The following USP47 variants were observed in gnomAD, a reference collection of about 807,000 sequenced individuals.
USP47 encodes ubiquitin carboxyl-terminal hydrolase 47.
Under a neutral mutation model 165.1 loss-of-function variants are expected in USP47, and 35 were observed. The observed-to-expected ratio is 0.21, with a 90% CI of 0.16 to 0.28. The LOEUF (loss-of-function observed/expected upper bound fraction) is 0.28, where lower values mean the gene tolerates loss of function less well. Ranked by LOEUF, USP47 falls within the 10% of genes least tolerant of loss-of-function variation. The pLI is 1.00. For missense variants in USP47, 1,277 were observed against 1,607.4 expected (o/e 0.79, Z 3.52); for synonymous variants, 531 against 544.5 (o/e 0.98, Z 0.35).
chr11:11,907,925 G>A (rs556648734), intron 8 of USP47, among the ~76,000 whole-genome samples: 6 of 151,980 alleles, frequency 3.9e-5, no homozygotes, highest in East Asian at 1.9e-4. Context: ...ATGAAACCTC[G>A]TCTCTACTAA....
chr11:11,903,123 T>C, intron 6 of USP47, 140 bp from the exon 7 acceptor site: 1 of 819,400 alleles, frequency 1.2e-6, no homozygotes. Context: ...ATGACTGTCA[T>C]GTATATTCTT....
intron 1 of USP47, among the ~76,000 whole-genome samples, chr11:11,866,053 T>A (rs1849660873): frequency 6.6e-6 from 1 of 152,222 alleles, no homozygotes. Flanking sequence ...TTGCTGCCTG[T>A]GTCTTGGTAT....
intron 20 of USP47, among the ~76,000 whole-genome samples, 187 bp from the exon 21 acceptor site, chr11:11,947,758 A>G (rs1043675415): frequency 1.3e-5 from 2 of 152,230 alleles, no homozygotes; most frequent in Non-Finnish European, 1.5e-5. Context: ...GCTGTCAGAT[A>G]AAACCTATCA....
At chr11:11,882,267 G>A (rs1440229954) in intron 2 of USP47, among the ~76,000 whole-genome samples, 2 of 151,904 alleles carry the variant, frequency 1.3e-5, no homozygotes, top group Non-Finnish European at 2.9e-5. Context: ...ATATTTTTCT[G>A]TCTTAAGTTT....
chr11:11,880,295 T>C lies in USP47; in HGVS notation c.158T>C (p.Leu53Pro). 1 of 1,417,390 alleles carries C rather than the reference T, an allele frequency of 7.1e-7. No homozygotes were observed. The highest frequency in any genetic ancestry group is 9.1e-7 in the Non-Finnish European group (1 of 1,094,952). The allele number at this position is 1,417,390 out of a possible 1,614,324, so 87.8% of individuals were successfully genotyped here. Residue 53 changes from leucine (L) to proline (P), a missense_variant, in exon 2 of 28, where the codon CTC becomes CCC. Physicochemically the swap from Leu to Pro is moderately conservative, Grantham distance 98. Coordinates refer to ENST00000527733, the MANE Select transcript of USP47 (RefSeq NM_001282659.2). ...NLPASTPVRK[L>P]FEDVANKVGY... The stretch of plus-strand genomic sequence containing the variant: ...CCAGCATCTACTCCAGTCAGAAAGC[T>C]CTTTGAAGATGTGGCCAACAAAGTA...
chr11:11,916,721 A>C (rs149877673), intron 8 of USP47, among the ~76,000 whole-genome samples: 129 of 152,342 alleles, frequency 8.5e-4, no homozygotes, highest in African/African-American at 3.0e-3. Context: ...GTGAAGAAGA[A>C]AAATAAAACA....
At chr11:11,875,046 T>C (rs1226071041) in intron 1 of USP47, among the ~76,000 whole-genome samples, 4 of 150,094 alleles carry the variant, frequency 2.7e-5, no homozygotes, top group Non-Finnish European at 4.5e-5. Context: ...TGTGTGTGTG[T>C]GTGTGTGTGT....
intron 5 of USP47, among the ~76,000 whole-genome samples, 180 bp downstream of exon 5, chr11:11,897,873 G>C (rs1420682587): frequency 6.6e-6 from 1 of 152,088 alleles, no homozygotes; most frequent in African/African-American, 2.4e-5. Context: ...TGAAAAATGT[G>C]TGCGGAGAGA....
chr11:11,874,026 C>T (rs1209438546), intron 1 of USP47, among the ~76,000 whole-genome samples: 1 of 152,058 alleles, frequency 6.6e-6, no homozygotes, highest in Non-Finnish European at 1.5e-5. Context: ...GAATTTGTAT[C>T]TGATAGTACC....
chr11:11,842,378 C>T lies in USP47; in HGVS notation c.39+154C>T, dbSNP rs1236298434. Among the ~76,000 whole-genome samples the T allele has an allele frequency of 7.9e-5, 12 of 152,130 alleles. 2 individuals carry two copies. The highest frequency in any genetic ancestry group is 3.9e-4 in the East Asian group (2 of 5,130). ...GGCAGTCGGGGGTGGACGGTGGGTG[C>T]GGCGAGCAGTTGGGAGACCCGCTGG... is the stretch of plus-strand genomic sequence containing the variant. On this transcript the variant is annotated intron_variant, in intron 1 of 27. Transcript: ENST00000527733.
chr11:11,877,852 TGTGTGTGC>T (rs1214413078), intron 1 of USP47, among the ~76,000 whole-genome samples: 2,625 of 73,788 alleles, frequency 0.036, 42 homozygotes, highest in East Asian at 0.082. Flanking sequence ...TGTGTGTGTG[TGTGTGTGC>T]GCGCGCGCAG....
chr11:11,864,374 CACATA>C lies in USP47; in HGVS notation c.40-15793_40-15789del, dbSNP rs963177957. Among the ~76,000 whole-genome samples the C allele has an allele frequency of 1.3e-3, 191 of 152,168 alleles. No individual in the cohort carries two copies. In the Middle Eastern group the frequency reaches 0.014, roughly 11 times the overall value. ...ATTTATTTTTTTAAATTGTAAAATACACATAACATAACATTTACTGTCTTAACTGT... is the reference window on the plus strand; with the variant it reads ...ATTTATTTTTTTAAATTGTAAAATACACATAACATTTACTGTCTTAACTGT... On this transcript the variant is annotated intron_variant, in intron 1 of 27. Transcript: ENST00000527733.
intron 8 of USP47, among the ~76,000 whole-genome samples, chr11:11,913,117 C>G (rs1853125054): frequency 6.6e-6 from 1 of 151,936 alleles, no homozygotes; most frequent in African/African-American, 2.4e-5. Flanking sequence ...TCTGCTCCTA[C>G]CACTCCTTTT....
chr11:11,932,555 TAA>T (rs1346149954), intron 14 of USP47, among the ~76,000 whole-genome samples: 8 of 152,176 alleles, frequency 5.3e-5, no homozygotes, highest in Admixed American at 5.2e-4. Flanking sequence ...CAGTATTTAT[TAA>T]GTTTTATTGT....
At chr11:11,933,959 AT>A in intron 16 of USP47, 24 bp downstream of exon 16, 1 of 1,514,182 alleles carries the variant, frequency 6.6e-7, no homozygotes. Flanking sequence ...CATCATTGGC[AT>A]TTACTTACTA....
At position 11,938,302 on chromosome 11, in the gene USP47, T is replaced by C; in HGVS notation, c.2123T>C (p.Val708Ala). ...VHVVDLKAESVAAPITVRAYL... is the reference protein window; with the variant it reads ...VHVVDLKAESAAAPITVRAYL... ...GTTGTTGATCTAAAGGCAGAATCTGTAGCTGCTCCTATAACTGTTCGTGCT... is the reference window on the plus strand; with the variant it reads ...GTTGTTGATCTAAAGGCAGAATCTGCAGCTGCTCCTATAACTGTTCGTGCT... The change falls in exon 18 of 28, where the codon GTA becomes GCA. Residue 708 changes from valine (V) to alanine (A), a missense_variant. By Grantham distance (64) the Val-to-Ala change is moderately conservative. Transcript: ENST00000527733. The C allele has an allele frequency of 6.2e-7, 1 of 1,612,292 alleles. No individual in the cohort carries two copies. Among genetic ancestry groups the C allele is most frequent in the Non-Finnish European group, 8.5e-7 (1 of 1,178,832 alleles).
chr11:11,942,626 C>G lies in USP47; in HGVS notation c.2605C>G (p.Gln869Glu), dbSNP rs775384655. 9 of 1,613,434 alleles carry G rather than the reference C, an allele frequency of 5.6e-6. No individual in the cohort carries two copies. In the Admixed American group the frequency reaches 6.7e-5, roughly 12 times the overall value. ...KLKSLSLQQQQDGDNGDSSKS... is the reference protein window; with the variant it reads ...KLKSLSLQQQEDGDNGDSSKS... ...CAAAAGCTTGTCACTGCAGCAACAG[C>G]AGGATGGAGATAATGGGGACAGCAG... The change falls in exon 20 of 28, where the codon CAG becomes GAG. Residue 869 changes from glutamine (Q) to glutamate (E), a missense_variant. Physicochemically the swap from Gln to Glu is conservative, Grantham distance 29. This residue lies in a region of USP47 where 909 missense variants were observed against 1,068.1 expected (regional missense o/e 0.85). Coordinates refer to ENST00000527733, the MANE Select transcript of USP47 (RefSeq NM_001282659.2).
intron 11 of USP47, among the ~76,000 whole-genome samples, chr11:11,926,755 G>T: frequency 7.2e-6 from 1 of 138,390 alleles, no homozygotes; most frequent in Non-Finnish European, 1.6e-5. Flanking sequence ...AACTTAGTTT[G>T]TTCTTCTATT....
rs1554921575 is a variant in USP47 at position 11,960,430 on chromosome 11, C to CCT, written c.*4255_*4256insCT. ...GCTCCCTCATGAAATTTGACAGTGT[C>CCT]TTGCCAGCCTCCTGCTGGCAGACAC... is the stretch of plus-strand genomic sequence containing the variant. On this transcript the variant is annotated 3_prime_UTR_variant, in exon 28 of 28. Transcript: ENST00000527733. 9.2e-5 allele frequency among the ~76,000 whole-genome samples: 14 copies of CCT among 151,776 alleles called. No individual in the cohort carries two copies. The highest frequency in any genetic ancestry group is 2.0e-4 in the Admixed American group (3 of 15,268).
Sources: gnomAD v4.1 joint callset for allele counts (sites outside exome capture counted in the v4.1 genomes callset) on GRCh38, gnomAD v4.1.1 for gene constraint, gnomAD v4.1.1 regional missense constraint, MANE v1.5 for transcripts, NCBI Gene and HGNC (gene_info 2026-07-23, HGNC 2026-07-21) for gene names.